Variants in OR2T2 observed in about 807,000 individuals in gnomAD.
OR2T2 encodes olfactory receptor family 2 subfamily T member 2.
For synonymous variants in OR2T2, 50 were observed against 162.7 expected (o/e 0.31, Z 5.27); for missense variants, 138 against 409.1 (o/e 0.34, Z 5.72).
intron 2 of OR2T2, among the ~76,000 whole-genome samples, chr1:248,450,442 G>A (rs541239338): frequency 6.8e-6 from 1 of 146,920 alleles, no homozygotes; most frequent in South Asian, 2.1e-4. Context: ...TCCTCTTCTG[G>A]GATCCTACAG....
chr1:248,447,744 G>T (rs74154446), intron 2 of OR2T2, among the ~76,000 whole-genome samples: 19,071 of 138,704 alleles, frequency 0.14, 9 homozygotes, highest in East Asian at 0.25. Flanking sequence ...TCACTTAGAT[G>T]CTCTTTAAAA....
rs972248256 is a variant in OR2T2 at position 248,446,340 on chromosome 1, T to C, written c.-245-249T>C. On this transcript the variant is annotated intron_variant, in intron 1 of 2. Transcript: ENST00000642130. Reference sequence around the variant, plus strand: ...TGGAGCCCAGGGGGAGATGTGGACATGTTGGAAGCTCAGGCTGTAGGGGTA... The same window carrying C: ...TGGAGCCCAGGGGGAGATGTGGACACGTTGGAAGCTCAGGCTGTAGGGGTA... 2.4e-4 allele frequency among the ~76,000 whole-genome samples: 35 copies of C among 144,866 alleles called. 1 individual carries two copies. The highest frequency in any genetic ancestry group is 9.6e-4 in the African/African-American group (34 of 35,492).
chr1:248,450,189 T>A (rs1413351984), intron 2 of OR2T2, among the ~76,000 whole-genome samples: 1 of 142,426 alleles, frequency 7.0e-6, no homozygotes, highest in Non-Finnish European at 1.5e-5. Context: ...TGCTCGTTTG[T>A]GCCAAGCAGT....
chr1:248,447,535 C>G (rs1461773630), intron 2 of OR2T2, among the ~76,000 whole-genome samples: 3 of 146,990 alleles, frequency 2.0e-5, no homozygotes, highest in Non-Finnish European at 3.0e-5. Flanking sequence ...ACTCTCCCCT[C>G]TCTCTTCCAC....
At chr1:248,450,202 A>G (rs1387223641) in intron 2 of OR2T2, among the ~76,000 whole-genome samples, 1 of 103,558 alleles carries the variant, frequency 9.7e-6, no homozygotes, top group African/African-American at 3.4e-5. Context: ...CAAGCAGTGT[A>G]GTTCTGCTCT....
intron 2 of OR2T2, among the ~76,000 whole-genome samples, chr1:248,450,457 A>G (rs1662770633): frequency 6.8e-6 from 1 of 147,516 alleles, no homozygotes; most frequent in South Asian, 2.1e-4. Flanking sequence ...CTACAGTAAG[A>G]TAAGATCTAG....
rs1662641728 is a variant in OR2T2 at position 248,446,175 on chromosome 1, T to TC, written c.-245-413dup. On this transcript the variant is annotated intron_variant, in intron 1 of 2. Transcript: ENST00000642130. ...GGAGGGAAATCATGATTTTTTTTTTTCATTTTAACCTCCTTCCTCTTTTAT... is the reference window on the plus strand; with the variant it reads ...GGAGGGAAATCATGATTTTTTTTTTTCCATTTTAACCTCCTTCCTCTTTTAT... Among the ~76,000 whole-genome samples the TC allele has an allele frequency of 1.4e-5, 2 of 144,794 alleles. 1 individual carries two copies. The highest frequency in any genetic ancestry group is 5.6e-5 in the African/African-American group (2 of 35,638). 95.0% of individuals were successfully genotyped at this position (144,794 alleles called of 152,430 possible).
At chr1:248,446,139 A>G (rs1360499590) in intron 1 of OR2T2, among the ~76,000 whole-genome samples, 3 of 144,450 alleles carry the variant, frequency 2.1e-5, no homozygotes, top group Non-Finnish European at 4.5e-5. Context: ...GTGGCTGAAG[A>G]CTTCATGCTT....
chr1:248,450,322 CAA>C (rs1403276165), intron 2 of OR2T2, among the ~76,000 whole-genome samples: 2 of 142,384 alleles, frequency 1.4e-5, no homozygotes, highest in Non-Finnish European at 3.0e-5. Flanking sequence ...CATGTACACA[CAA>C]CGCTCACACT....
At chr1:248,452,289 A>G (rs1364175202) in intron 2 of OR2T2, among the ~76,000 whole-genome samples, 1 of 16,612 alleles carries the variant, frequency 6.0e-5, no homozygotes, top group Non-Finnish European at 9.7e-5. Context: ...TCAGTTATCT[A>G]GATGTTTTCT....
rs375756644 is a variant in OR2T2, at chr1:248,453,054, T to A, written c.257T>A (p.Leu86His). ...ACTGTCCCCAAGATGCTCCAGGACC[T>A]CCTGTCCAAGGACAAGACCATTTCC... The change falls in exon 3 of 3, where the codon CTC becomes CAC. Residue 86 changes from leucine to histidine, a missense_variant. By Grantham distance (99) the Leu-to-His change is moderately conservative. Transcript: ENST00000642130. 20 of 1,613,268 alleles carry A rather than the reference T, an allele frequency of 1.2e-5. No homozygotes were observed. The African/African-American group carries it at 2.2e-4, about 17-fold the overall frequency.
chr1:248,450,233 C>G (rs1484022469), intron 2 of OR2T2, among the ~76,000 whole-genome samples: 1 of 147,532 alleles, frequency 6.8e-6, no homozygotes, highest in African/African-American at 2.7e-5. Context: ...CTTTTCCCTA[C>G]ACATATCCCC....
At chr1:248,449,828 C>CTTTTTT (rs777942474) in intron 2 of OR2T2, among the ~76,000 whole-genome samples, 20 of 115,266 alleles carry the variant, frequency 1.7e-4, no homozygotes, top group African/African-American at 4.1e-4. Flanking sequence ...TTTTCTTTTT[C>CTTTTTT]TTTTTTTTTT....
rs1352198017 is a variant in OR2T2, at chr1:248,448,877, G to GTCA, written c.-23+2069_-23+2071dup. Among the ~76,000 whole-genome samples the GTCA allele has an allele frequency of 6.9e-4, 70 of 101,836 alleles. No individual in the cohort carries two copies. In the East Asian group the frequency reaches 0.024, roughly 35 times the overall value. The allele number at this position is 101,836 out of a possible 152,430, so 66.8% of individuals were successfully genotyped here. A position where few individuals can be genotyped will look rare whatever the true frequency, so the allele number is the denominator to read the frequency against. ...GAGGTCTGGAGAAGTAACTATGCGT[G>GTCA]TCATCCCCAGAGCAATTTGACAGCT... On this transcript the variant is annotated intron_variant, in intron 2 of 2. Transcript: ENST00000642130.
intron 2 of OR2T2, among the ~76,000 whole-genome samples, chr1:248,447,359 C>CT (rs1662688911): frequency 1.4e-5 from 2 of 139,326 alleles, no homozygotes; most frequent in Admixed American, 7.2e-5. Context: ...CCAGGTGGAT[C>CT]TTTCATAAGT....
chr1:248,450,253 C>G (rs1662763068), intron 2 of OR2T2, among the ~76,000 whole-genome samples: 1 of 140,122 alleles, frequency 7.1e-6, no homozygotes, highest in African/African-American at 3.0e-5. Flanking sequence ...CACCCACTCA[C>G]AGATGCACAC....
rs1324149721 is a variant in OR2T2 at position 248,446,489 on chromosome 1, TATTAGTAGGGTGGACTAG to T, written c.-245-97_-245-80del. 2.1e-5 allele frequency: 3 copies of T among 143,814 alleles called. 1 individual carries two copies. The highest frequency in any genetic ancestry group is 8.7e-5 in the African/African-American group (3 of 34,350). The allele number at this position is 143,814 out of a possible 1,614,324, so 8.9% of individuals were successfully genotyped here. A position where few individuals can be genotyped will look rare whatever the true frequency, so the allele number is the denominator to read the frequency against. ...TTACTCTCCATTTCCTCTTCCACAGTATTAGTAGGGTGGACTAGATGGGCTCGCCTCGCCTCACCTCGC... is the reference window on the plus strand; with the variant it reads ...TTACTCTCCATTTCCTCTTCCACAGTATGGGCTCGCCTCGCCTCACCTCGC... On this transcript the variant is annotated intron_variant, in intron 1 of 2. Transcript: ENST00000642130.
At chr1:248,447,225 G>GA (rs1398059725) in intron 2 of OR2T2, among the ~76,000 whole-genome samples, 3 of 150,040 alleles carry the variant, frequency 2.0e-5, no homozygotes, top group Middle Eastern at 3.4e-3. Context: ...CATAAAAGCA[G>GA]ACGGAGTACA....
Position 248,453,156 on chromosome 1 carries a change from C to T in OR2T2, c.359C>T (p.Ala120Val), listed in dbSNP as rs1440063828. Reference sequence around the variant, plus strand: ...GAATTCTTCCTGCTGGGTCTCATGGCCTATGACCGCTATGTGGCTGTGTGC... The same window carrying T: ...GAATTCTTCCTGCTGGGTCTCATGGTCTATGACCGCTATGTGGCTGTGTGC... The change falls in exon 3 of 3, where the codon GCC becomes GTC. Residue 120 changes from alanine (A) to valine (V), a missense_variant. Ala to Val is a moderately conservative substitution (Grantham distance 64). Transcript: ENST00000642130. The T allele has an allele frequency of 3.7e-6, 6 of 1,612,402 alleles. No homozygotes were observed. In the Admixed American group the frequency reaches 6.7e-5, roughly 18 times the overall value.
Sources: allele counts gnomAD v4.1 joint callset (sites outside exome capture counted in the v4.1 genomes callset), GRCh38; gene constraint gnomAD v4.1.1; transcripts MANE v1.5; gene names NCBI Gene and HGNC (gene_info 2026-07-23, HGNC 2026-07-21).